MTBP: variants seen among roughly 807,000 people sequenced by gnomAD.
MTBP encodes the protein mdm2-binding protein.
MTBP carries 101 observed loss-of-function variants against 117.0 expected under a neutral mutation model. The observed-to-expected ratio is 0.86, with a 90% CI of 0.73 to 1.02. MTBP has a LOEUF of 1.02. Among genes scored for constraint, MTBP ranks in the 50% least tolerant of loss-of-function variants. The pLI is 0.00. For missense variants in MTBP, 970 were observed against 1,030.9 expected, an observed-to-expected ratio of 0.94 and a Z score of 0.81; for synonymous variants, 350 against 351.5, an observed-to-expected ratio of 1.00 and a Z score of 0.05.
intron 17 of MTBP, among the ~76,000 whole-genome samples, chr8:120,513,269 G>A (rs938477371): frequency 6.6e-6 from 1 of 151,966 alleles, no homozygotes; most frequent in East Asian, 1.9e-4. Flanking sequence ...GTATTGGTTG[G>A]TTTGTGATAG....
chr8:120,515,903 A>C (rs1400197537), intron 17 of MTBP, 22 bp from the exon 18 acceptor site: 2 of 1,605,890 alleles, frequency 1.2e-6, no homozygotes. Flanking sequence ...TTTACATTTT[A>C]ATGCTCTTTC....
At chr8:120,481,886 T>G (rs903865879) in intron 11 of MTBP, among the ~76,000 whole-genome samples, 1 of 152,228 alleles carries the variant, frequency 6.6e-6, no homozygotes, top group Non-Finnish European at 1.5e-5. Flanking sequence ...ATCTCTCTAG[T>G]TTAATGATTC....
In MTBP at chr8:120,446,513, G is replaced by C. The variant is rs1329444415; in HGVS notation, c.199G>C (p.Ala67Pro). The C allele has an allele frequency of 6.5e-7, 1 of 1,539,934 alleles. No homozygotes were observed. The highest frequency in any genetic ancestry group is 9.0e-7 in the Non-Finnish European group (1 of 1,113,172). ...TAATCCAGAAGATAGTACTTTCCCT[G>C]GTAAGTATAATAAACTCCTCTTTTC... ...SINPEDSTFP[A>P]CSVGGIPGSK... The change falls in exon 2 of 22, where the codon GCC becomes CCC. Residue 67 changes from alanine (A) to proline (P), a missense_variant and splice_region_variant. Ala to Pro is a conservative substitution (Grantham distance 27, BLOSUM62 -1). Coordinates refer to ENST00000305949, the MANE Select transcript of MTBP (RefSeq NM_022045.5).
chr8:120,516,969 T>G (rs905107969), intron 18 of MTBP, among the ~76,000 whole-genome samples: 1 of 152,006 alleles, frequency 6.6e-6, no homozygotes, highest in Non-Finnish European at 1.5e-5. Context: ...TTCATGGTAC[T>G]TTTTATACCT....
chr8:120,497,552 ATGG>A lies in MTBP; in HGVS notation c.1609_1609+2del, dbSNP rs1814495903. 3 of 1,462,636 alleles carry A rather than the reference ATGG, an allele frequency of 2.1e-6. No individual in the cohort carries two copies. In the African/African-American group the frequency reaches 4.4e-5, roughly 22 times the overall value. The allele number at this position is 1,462,636 out of a possible 1,614,324, so 90.6% of individuals were successfully genotyped here. A position where few individuals can be genotyped will look rare whatever the true frequency, so the allele number is the denominator to read the frequency against. ...AAAATTAAAACCTTCAATATATTAAATGGTAAGTTTTTTATTACTTTAAATTTT... is the reference window on the plus strand; with the variant it reads ...AAAATTAAAACCTTCAATATATTAAATAAGTTTTTTATTACTTTAAATTTT... On this transcript the variant is annotated splice_donor_variant and coding_sequence_variant, in exon 14 of 22. Coordinates refer to ENST00000305949, the MANE Select transcript of MTBP (RefSeq NM_022045.5). LOFTEE classifies it high-confidence loss of function.
At chr8:120,459,553 A>C (rs1813541515) in intron 8 of MTBP, among the ~76,000 whole-genome samples, 1 of 152,208 alleles carries the variant, frequency 6.6e-6, no homozygotes, top group African/African-American at 2.4e-5. Context: ...ATGTTTAAAA[A>C]AATGTAATGC....
intron 14 of MTBP, among the ~76,000 whole-genome samples, chr8:120,499,050 G>A (rs1015255048): frequency 6.6e-6 from 1 of 152,158 alleles, no homozygotes; most frequent in African/African-American, 2.4e-5. Context: ...GTCAGATTAT[G>A]TCACTCCTTT....
intron 10 of MTBP, among the ~76,000 whole-genome samples, chr8:120,465,681 A>G (rs1157002601): frequency 9.2e-6 from 1 of 108,612 alleles, no homozygotes; most frequent in Non-Finnish European, 1.9e-5. Context: ...TTTTTTTGAG[A>G]CGGAGTCTCG....
intron 13 of MTBP, among the ~76,000 whole-genome samples, chr8:120,496,197 C>T (rs1814453369): frequency 6.6e-6 from 1 of 152,144 alleles, no homozygotes; most frequent in African/African-American, 2.4e-5. Flanking sequence ...AAGACTTGCT[C>T]ACTCAGATGA....
At chr8:120,451,755 T>A (rs1813351693) in intron 4 of MTBP, 3 of 152,750 alleles carry the variant, frequency 2.0e-5, no homozygotes, top group African/African-American at 7.3e-5. Context: ...AATTTTTGTA[T>A]TTTTTTTTGT....
intron 11 of MTBP, among the ~76,000 whole-genome samples, chr8:120,477,456 T>C (rs1813967387): frequency 6.6e-6 from 1 of 152,004 alleles, no homozygotes; most frequent in Non-Finnish European, 1.5e-5. Flanking sequence ...ATCATCAGAG[T>C]GAACAGGCAA....
intron 2 of MTBP, among the ~76,000 whole-genome samples, chr8:120,450,765 G>A (rs533743039): frequency 1.5e-4 from 23 of 152,138 alleles, no homozygotes; most frequent in African/African-American, 4.3e-4. Flanking sequence ...ATAATAATAC[G>A]AAATTCTGAA....
intron 14 of MTBP, among the ~76,000 whole-genome samples, chr8:120,498,367 A>T (rs868291185): frequency 6.6e-6 from 1 of 152,194 alleles, no homozygotes; most frequent in Non-Finnish European, 1.5e-5. Context: ...CCCAAGTTAA[A>T]TAGCATACAG....
Position 120,510,052 on chromosome 8 carries a change from C to T in MTBP, c.1979+23C>T, listed in dbSNP as rs114683753. 7.7e-4 allele frequency: 1,166 copies of T among 1,506,654 alleles called. 8 individuals are homozygous for T. The African/African-American group carries it at 0.014, about 18-fold the overall frequency. 93.3% of individuals were successfully genotyped at this position (1,506,654 alleles called of 1,614,324 possible). ...TGAGTAAGTTTTTATTTGTACTTTA[C>T]TCTTCTGTATGTTGTTGATACAGCC... On this transcript the variant is annotated intron_variant, in intron 17 of 21. Coordinates refer to ENST00000305949, the MANE Select transcript of MTBP (RefSeq NM_022045.5).
At chr8:120,485,290 G>A (rs1814189792) in intron 11 of MTBP, among the ~76,000 whole-genome samples, 1 of 152,014 alleles carries the variant, frequency 6.6e-6, no homozygotes, top group Non-Finnish European at 1.5e-5. Context: ...TTATCTTAGA[G>A]TATTTTTAAA....
At chr8:120,505,327 C>T (rs1374788709) in intron 15 of MTBP, among the ~76,000 whole-genome samples, 1 of 152,100 alleles carries the variant, frequency 6.6e-6, no homozygotes, top group African/African-American at 2.4e-5. Context: ...GTGCTTCACC[C>T]AGCACTAAAT....
intron 8 of MTBP, among the ~76,000 whole-genome samples, chr8:120,459,935 A>G (rs1361010099): frequency 6.6e-6 from 1 of 152,168 alleles, no homozygotes; most frequent in Non-Finnish European, 1.5e-5. Context: ...ATAAAATATA[A>G]TAACTAGGAA....
chr8:120,485,678 C>T (rs899861626), intron 11 of MTBP, among the ~76,000 whole-genome samples: 5 of 152,124 alleles, frequency 3.3e-5, no homozygotes, highest in African/African-American at 1.2e-4. Context: ...ATTACACATT[C>T]CTGTTTCTTT....
At chr8:120,493,698 C>T (rs1437721901) in intron 13 of MTBP, among the ~76,000 whole-genome samples, 1 of 152,000 alleles carries the variant, frequency 6.6e-6, no homozygotes, top group Non-Finnish European at 1.5e-5. Context: ...TTCATGTTGG[C>T]CAGGCTGGTC....
Sources: allele counts gnomAD v4.1 joint callset (sites outside exome capture counted in the v4.1 genomes callset), GRCh38; gene constraint gnomAD v4.1.1; transcripts MANE v1.5; gene names NCBI Gene and HGNC (gene_info 2026-07-23, HGNC 2026-07-21).